Variants in PPP6R3 observed in about 807,000 individuals in gnomAD.
PPP6R3 encodes protein phosphatase 6 regulatory subunit 3.
In PPP6R3, 38 loss-of-function variants were observed where a neutral mutation model predicts 110.7. The observed-to-expected ratio is 0.34, with a 90% CI of 0.26 to 0.45. PPP6R3 has a LOEUF of 0.45. PPP6R3 is among the 20% of genes least tolerant of loss of function. The pLI is 1.00. For missense variants in PPP6R3, 870 were observed against 1,062.4 expected (o/e 0.82, Z 2.52); for synonymous variants, 369 against 373.5 (o/e 0.99, Z 0.14).
chr11:68,504,005 A>G (rs887279256), intron 1 of PPP6R3, among the ~76,000 whole-genome samples: 1 of 152,224 alleles, frequency 6.6e-6, no homozygotes, highest in Admixed American at 6.5e-5. Flanking sequence ...CCACTTGGCC[A>G]TGTACCTCAT....
Position 68,558,040 on chromosome 11 carries a change from T to C in PPP6R3, c.732-526T>C, listed in dbSNP as rs565046373. The stretch of plus-strand genomic sequence containing the variant: ...TGCCATTTTATTTTGCTTTTTCAAA[T>C]TTTATTTGTAGAGTAAAATGCAACA... On this transcript the variant is annotated intron_variant, in intron 7 of 23. Transcript: ENST00000393800. Among the ~76,000 whole-genome samples, 3 of 152,372 alleles carry C rather than the reference T, an allele frequency of 2.0e-5. No homozygotes were observed. The East Asian group carries it at 5.8e-4, about 29-fold the overall frequency.
At chr11:68,490,060 C>A (rs2098974228) in intron 1 of PPP6R3, among the ~76,000 whole-genome samples, 1 of 152,148 alleles carries the variant, frequency 6.6e-6, no homozygotes, top group South Asian at 2.1e-4. Flanking sequence ...ACTTAATTCC[C>A]TCTCCAGTCC....
At chr11:68,489,733 G>C (rs1383659974) in intron 1 of PPP6R3, among the ~76,000 whole-genome samples, 1 of 151,194 alleles carries the variant, frequency 6.6e-6, no homozygotes, top group African/African-American at 2.4e-5. Context: ...AGACATAATG[G>C]TATTGCACAC....
In PPP6R3 at chr11:68,583,132, G is replaced by A. The variant is rs760798529; in HGVS notation, c.1632+3G>A. 2.0e-6 allele frequency: 3 copies of A among 1,525,910 alleles called. No homozygotes were observed. The South Asian group carries it at 3.7e-5, about 19-fold the overall frequency. The allele number at this position is 1,525,910 out of a possible 1,614,324, so 94.5% of individuals were successfully genotyped here. A position where few individuals can be genotyped will look rare whatever the true frequency, so the allele number is the denominator to read the frequency against. ...CACAGGATTCTTCTTTGCAGCAAGTGAGTCACGCCTAAAGCTTTGCTTTTT... is the reference window on the plus strand; with the variant it reads ...CACAGGATTCTTCTTTGCAGCAAGTAAGTCACGCCTAAAGCTTTGCTTTTT... On this transcript the variant is annotated splice_donor_region_variant and intron_variant, in intron 15 of 23. Transcript: ENST00000393800.
chr11:68,466,601 G>A (rs1226735718), intron 1 of PPP6R3, among the ~76,000 whole-genome samples: 2 of 151,404 alleles, frequency 1.3e-5, no homozygotes, highest in Non-Finnish European at 2.9e-5. Context: ...ACCATGCCCG[G>A]CTAATTTTTT....
chr11:68,558,137 T>C (rs1176362714), intron 7 of PPP6R3: 2 of 152,528 alleles, frequency 1.3e-5, no homozygotes, highest in African/African-American at 2.4e-5. Context: ...AAAACATTCA[T>C]GGGTTCTAAT....
At chr11:68,610,293 G>C (rs1019981674) in intron 23 of PPP6R3, among the ~76,000 whole-genome samples, 3 of 152,142 alleles carry the variant, frequency 2.0e-5, no homozygotes, top group African/African-American at 7.2e-5. Flanking sequence ...AAGTGGCTCC[G>C]AACAGAGGGG....
At chr11:68,504,105 T>C (rs1260324297) in intron 1 of PPP6R3, among the ~76,000 whole-genome samples, 1 of 152,174 alleles carries the variant, frequency 6.6e-6, no homozygotes, top group Non-Finnish European at 1.5e-5. Context: ...TATTTTGTAA[T>C]AGCAAAAAGT....
chr11:68,574,066 A>G, intron 12 of PPP6R3, 43 bp from the exon 13 acceptor site: 1 of 1,400,182 alleles, frequency 7.1e-7, no homozygotes, highest in Middle Eastern at 1.8e-4. Flanking sequence ...TCATCACTTC[A>G]TCCTATCAGG....
chr11:68,579,415 G>A (rs762856429), intron 14 of PPP6R3, among the ~76,000 whole-genome samples: 1 of 152,198 alleles, frequency 6.6e-6, no homozygotes, highest in Non-Finnish European at 1.5e-5. Context: ...CTCCGAAACT[G>A]TGTGCACTAC....
chr11:68,571,647 G>T (rs1428701539), intron 12 of PPP6R3, among the ~76,000 whole-genome samples: 5 of 152,210 alleles, frequency 3.3e-5, no homozygotes, highest in Non-Finnish European at 7.3e-5. Flanking sequence ...TCTTACAGGT[G>T]TTGTCTGTAA....
intron 1 of PPP6R3, among the ~76,000 whole-genome samples, chr11:68,503,459 G>A (rs1316727188): frequency 2.6e-5 from 4 of 152,142 alleles, no homozygotes; most frequent in African/African-American, 9.7e-5. Flanking sequence ...ACAGAAGAAG[G>A]AAGGAAGGAA....
intron 1 of PPP6R3, among the ~76,000 whole-genome samples, chr11:68,481,388 T>C (rs767482838): frequency 5.3e-5 from 8 of 152,188 alleles, no homozygotes; most frequent in Non-Finnish European, 1.0e-4. Context: ...CCCAGAAGCA[T>C]AGGGTTAAGA....
chr11:68,514,845 A>G (rs1303911342), intron 1 of PPP6R3, among the ~76,000 whole-genome samples: 2 of 152,226 alleles, frequency 1.3e-5, no homozygotes, highest in African/African-American at 2.4e-5. Context: ...TTGGCCTCCC[A>G]AAGTGCTGGG....
rs1480395711 is a variant in PPP6R3, at chr11:68,614,988, C to T, written c.*1871C>T. ...GTATGGACCTGGTGGCTTCTCCATC[C>T]CACTGTGGCCTCTGTGGTATGGACC... On this transcript the variant is annotated 3_prime_UTR_variant, in exon 24 of 24. Coordinates refer to ENST00000393800, the MANE Select transcript of PPP6R3 (RefSeq NM_001164161.2). The T allele has an allele frequency of 1.8e-6, 1 of 559,352 alleles. No individual in the cohort carries two copies. Among genetic ancestry groups the T allele is most frequent in the East Asian group, 4.2e-5 (1 of 23,910 alleles). The allele number at this position is 559,352 out of a possible 1,614,324, so 34.6% of individuals were successfully genotyped here.
chr11:68,585,829 G>A (rs2099576726), intron 15 of PPP6R3, among the ~76,000 whole-genome samples: 1 of 152,116 alleles, frequency 6.6e-6, no homozygotes, highest in African/African-American at 2.4e-5. Context: ...TATGTATTCT[G>A]TATGTACATG....
intron 22 of PPP6R3, among the ~76,000 whole-genome samples, chr11:68,606,134 C>G (rs751109787): frequency 1.6e-4 from 25 of 152,148 alleles, no homozygotes; most frequent in Non-Finnish European, 3.5e-4. Flanking sequence ...AAGGATGGCT[C>G]AAAGTCAGAG....
At chr11:68,580,801 T>A in intron 14 of PPP6R3, among the ~76,000 whole-genome samples, 1 of 108,924 alleles carries the variant, frequency 9.2e-6, no homozygotes. Context: ...AGACAGAGTC[T>A]TGCTCTGTCA....
chr11:68,547,360 T>C (rs780942280), intron 4 of PPP6R3, among the ~76,000 whole-genome samples: 2 of 152,148 alleles, frequency 1.3e-5, no homozygotes, highest in East Asian at 3.9e-4. Context: ...CACGTGCGCA[T>C]GGACAGAGGC....
Sources: allele counts gnomAD v4.1 joint callset (sites outside exome capture counted in the v4.1 genomes callset), GRCh38; gene constraint gnomAD v4.1.1; transcripts MANE v1.5; gene names NCBI Gene and HGNC (gene_info 2026-07-23, HGNC 2026-07-21).